The following ITSN1 variants were observed in gnomAD, a reference collection of about 807,000 sequenced individuals.
ITSN1 encodes intersectin 1, also known as intersectin-1.
In ITSN1, 58 loss-of-function variants were observed where a neutral mutation model predicts 239.8. The observed-to-expected ratio is 0.24, with a 90% confidence interval of 0.20 to 0.30. ITSN1 has a LOEUF of 0.30. Among genes scored for constraint, ITSN1 ranks in the 10% least tolerant of loss-of-function variants. The pLI is 1.00. For synonymous variants in ITSN1, 780 were observed against 770.8 expected, an observed-to-expected ratio of 1.01 and a Z score of -0.20; for missense variants, 1,558 against 2,103.3, an observed-to-expected ratio of 0.74 and a Z score of 5.07.
intron 17 of ITSN1, among the ~76,000 whole-genome samples, chr21:33,796,502 A>G (rs1437302406): frequency 6.6e-6 from 1 of 152,214 alleles, no homozygotes; most frequent in Non-Finnish European, 1.5e-5. Flanking sequence ...TTCCCGTGGC[A>G]GATTCCTAAT....
chr21:33,775,295 A>G (rs1460756196), intron 14 of ITSN1, among the ~76,000 whole-genome samples, 187 bp downstream of exon 14: 1 of 152,166 alleles, frequency 6.6e-6, no homozygotes, highest in Non-Finnish European at 1.5e-5. Context: ...CTCAGCAAAT[A>G]TTTACTGAGC....
chr21:33,835,328 T>C (rs1322141110), intron 28 of ITSN1, among the ~76,000 whole-genome samples: 1 of 152,164 alleles, frequency 6.6e-6, no homozygotes, highest in African/African-American at 2.4e-5. Flanking sequence ...GATGTGTCAG[T>C]ATCCCTCCAC....
At chr21:33,815,089 C>G (rs114160672) in intron 22 of ITSN1, among the ~76,000 whole-genome samples, 2,697 of 152,172 alleles carry the variant, frequency 0.018, 84 homozygotes, top group African/African-American at 0.062. Context: ...TGAAGGTGAA[C>G]GTGGGACCCT....
intron 24 of ITSN1, among the ~76,000 whole-genome samples, chr21:33,821,639 G>A (rs1239479419): frequency 6.6e-6 from 1 of 152,166 alleles, no homozygotes; most frequent in African/African-American, 2.4e-5. Flanking sequence ...ATGTCTTTGT[G>A]CAAGGCAGGC....
chr21:33,724,505 A>G (rs1248928522), intron 4 of ITSN1, among the ~76,000 whole-genome samples: 1 of 152,234 alleles, frequency 6.6e-6, no homozygotes, highest in Non-Finnish European at 1.5e-5. Context: ...ATCATGTCTC[A>G]TACCATCAGG....
At chr21:33,755,218 A>T (rs1297725426) in intron 7 of ITSN1, 79 bp from the exon 8 acceptor site, 2 of 640,296 alleles carry the variant, frequency 3.1e-6, no homozygotes, top group African/African-American at 1.9e-5. Flanking sequence ...AGAAGTTCTT[A>T]GTTTACTGTC....
chr21:33,643,238 A>G (rs2087588537), intron 1 of ITSN1: 1 of 151,520 alleles, frequency 6.6e-6, no homozygotes, highest in African/African-American at 2.4e-5. Flanking sequence ...ATCCTGGGTC[A>G]GTGAAGGGCA....
At chr21:33,767,957 C>G (rs2068839606) in intron 11 of ITSN1, 129 bp downstream of exon 11, 1 of 545,366 alleles carries the variant, frequency 1.8e-6, no homozygotes, top group Non-Finnish European at 3.3e-6. Flanking sequence ...ACTTAACTGA[C>G]CTTAGTTGGA....
chr21:33,679,684 T>C (rs574761566), intron 1 of ITSN1, among the ~76,000 whole-genome samples: 2 of 150,718 alleles, frequency 1.3e-5, no homozygotes, highest in Non-Finnish European at 2.9e-5. Context: ...TTTGTGTGTT[T>C]TTTGATCCTT....
rs984804594 is a variant in ITSN1 at position 33,891,064 on chromosome 21, T to C, written c.*2764T>C. ...AGTTCTCTAGAAGGCAGAGTCCACA[T>C]CCTGGTCCCTCTGGGGCAGGGCCTG... On this transcript the variant is annotated 3_prime_UTR_variant, in exon 40 of 40. Transcript: ENST00000381318. 1 of 152,358 alleles carries C rather than the reference T, an allele frequency of 6.6e-6. No individual in the cohort carries two copies. The highest frequency in any genetic ancestry group is 2.4e-5 in the African/African-American group (1 of 41,466). The allele number at this position is 152,358 out of a possible 1,614,324, so 9.4% of individuals were successfully genotyped here.
intron 8 of ITSN1, chr21:33,756,933 A>G (rs999454414): frequency 6.6e-6 from 1 of 152,042 alleles, no homozygotes; most frequent in African/African-American, 2.4e-5. Context: ...CGCCCGGCTA[A>G]TTTTGTATTT....
At chr21:33,689,065 G>A (rs1427768755) in intron 1 of ITSN1, among the ~76,000 whole-genome samples, 2 of 152,042 alleles carry the variant, frequency 1.3e-5, no homozygotes, top group Non-Finnish European at 2.9e-5. Flanking sequence ...CACCCACCTC[G>A]GCCTCCCAAA....
At chr21:33,883,265 A>G (rs1205392223) in intron 35 of ITSN1, among the ~76,000 whole-genome samples, 1 of 152,210 alleles carries the variant, frequency 6.6e-6, no homozygotes, top group Non-Finnish European at 1.5e-5. Context: ...TATCATATTT[A>G]TAATTTGTAA....
chr21:33,848,605 A>T (rs1465790796), intron 29 of ITSN1, among the ~76,000 whole-genome samples: 1 of 152,132 alleles, frequency 6.6e-6, no homozygotes, highest in Non-Finnish European at 1.5e-5. Context: ...TCAGTGGGGG[A>T]TAACAACAGT....
chr21:33,836,893 G>T, intron 29 of ITSN1: 2 of 862,922 alleles, frequency 2.3e-6, no homozygotes, highest in Non-Finnish European at 3.7e-6. Flanking sequence ...AATCATTTTG[G>T]CACCATGCTG....
At chr21:33,675,000 A>G (rs2090507726) in intron 1 of ITSN1, among the ~76,000 whole-genome samples, 2 of 152,224 alleles carry the variant, frequency 1.3e-5, no homozygotes, top group African/African-American at 4.8e-5. Context: ...TCTTTCCAGA[A>G]ACAATACTGA....
intron 4 of ITSN1, among the ~76,000 whole-genome samples, chr21:33,725,802 C>T (rs532162190): frequency 1.3e-5 from 2 of 152,030 alleles, no homozygotes; most frequent in Admixed American, 1.3e-4. Flanking sequence ...CTCTCTTTTC[C>T]CAAAAGAAAT....
intron 8 of ITSN1, 24 bp from the exon 9 acceptor site, chr21:33,761,891 ATCTGTATG>A: frequency 1.9e-6 from 3 of 1,553,066 alleles, no homozygotes; most frequent in Non-Finnish European, 2.7e-6. Context: ...TTGCTGACTC[ATCTGTATG>A]TCCTTTTCCT....
chr21:33,706,242 C>T (rs749160799), intron 1 of ITSN1, among the ~76,000 whole-genome samples: 5 of 152,138 alleles, frequency 3.3e-5, no homozygotes, highest in Non-Finnish European at 5.9e-5. Context: ...TGGTCTGGAA[C>T]TCCTGACCTC....
Sources: allele counts gnomAD v4.1 joint callset (sites outside exome capture counted in the v4.1 genomes callset), GRCh38; gene constraint gnomAD v4.1.1; transcripts MANE v1.5; gene names NCBI Gene and HGNC (gene_info 2026-07-23, HGNC 2026-07-21).